Variants in AMBRA1 observed in about 807,000 individuals in gnomAD.
AMBRA1 encodes the protein autophagy and beclin 1 regulator 1, also known as activating molecule in BECN1-regulated autophagy protein 1.
In AMBRA1, 47 loss-of-function variants were observed where a neutral mutation model predicts 125.4. The observed-to-expected ratio is 0.37, with a 90% confidence interval of 0.30 to 0.48. The LOEUF (loss-of-function observed/expected upper bound fraction) is 0.48. AMBRA1 is among the 20% of genes least tolerant of loss of function. The pLI, the probability that AMBRA1 is intolerant of heterozygous loss-of-function variation, is 0.99. For synonymous variants in AMBRA1, 626 were observed against 655.5 expected (o/e 0.95, Z 0.69); for missense variants, 1,331 against 1,693.4 (o/e 0.79, Z 3.76).
At chr11:46,571,880 G>C (rs1289497710) in intron 1 of AMBRA1, among the ~76,000 whole-genome samples, 1 of 151,778 alleles carries the variant, frequency 6.6e-6, no homozygotes, top group African/African-American at 2.4e-5. Flanking sequence ...AGTAGAGACA[G>C]GGTTTCACCA....
At chr11:46,478,648 C>CTTTTTT (rs11449187) in intron 11 of AMBRA1, among the ~76,000 whole-genome samples, 8 of 82,154 alleles carry the variant, frequency 9.7e-5, no homozygotes, top group Non-Finnish European at 1.3e-4. Context: ...TCTTTTTTCT[C>CTTTTTT]TTTTTTTTTT....
intron 14 of AMBRA1, among the ~76,000 whole-genome samples, chr11:46,426,072 A>G (rs79048336): frequency 6.9e-6 from 1 of 145,624 alleles, no homozygotes. Flanking sequence ...TCTCAAAATA[A>G]AAAAAAAAAA....
intron 11 of AMBRA1, among the ~76,000 whole-genome samples, chr11:46,458,471 A>C (rs2136823165): frequency 6.6e-6 from 1 of 152,304 alleles, no homozygotes; most frequent in South Asian, 2.1e-4. Flanking sequence ...TCCGAATTCA[A>C]GTGTTTTTGC....
intron 13 of AMBRA1, among the ~76,000 whole-genome samples, chr11:46,434,188 A>G (rs929253646): frequency 1.3e-5 from 2 of 152,032 alleles, no homozygotes; most frequent in Admixed American, 1.3e-4. Flanking sequence ...ATTTTAAAAA[A>G]TTGTTAACAT....
chr11:46,405,406 C>T (rs1309419164), intron 17 of AMBRA1, among the ~76,000 whole-genome samples: 3 of 152,160 alleles, frequency 2.0e-5, no homozygotes, highest in Non-Finnish European at 4.4e-5. Context: ...ATGGTAAAAG[C>T]TCAGTGAAAT....
rs572142483 is a variant in AMBRA1, at chr11:46,429,701, T to C, written c.2976+3773A>G. ...CACTTGGTTACAACCAAAGTTATTA[T>C]ACTGTGCAAGTTGCCACTATTTTAG... On this transcript the variant is annotated intron_variant, in intron 14 of 17. Coordinates refer to ENST00000683756, the MANE Select transcript of AMBRA1 (RefSeq NM_001387011.1). Among the ~76,000 whole-genome samples the C allele has an allele frequency of 2.0e-5, 3 of 152,312 alleles. No individual in the cohort carries two copies. In the South Asian group the frequency reaches 6.2e-4, roughly 32 times the overall value.
At chr11:46,483,084 A>G (rs920978474) in intron 11 of AMBRA1, among the ~76,000 whole-genome samples, 8 of 151,900 alleles carry the variant, frequency 5.3e-5, no homozygotes, top group African/African-American at 1.9e-4. Context: ...ATGTAGCCCC[A>G]CAGCTCAAGA....
In AMBRA1 at chr11:46,512,786, T is replaced by G. The variant is rs1398223972; in HGVS notation, c.2100A>C (p.Ser700=). Residue 700 remains serine (S), a synonymous_variant, in exon 8 of 18, where the codon TCA becomes TCC. Coordinates refer to ENST00000683756, the MANE Select transcript of AMBRA1 (RefSeq NM_001387011.1). ...ATCCTGCTCCATCATAACGGGATAA[T>G]GAAATGAGGGAAGATTCCAGCAGCC... The part of the protein sequence containing the change: ...RRRLLESSLI[S]LSRYDGAGSR... The G allele has an allele frequency of 2.5e-6, 4 of 1,613,176 alleles. No homozygotes were observed. Among genetic ancestry groups the G allele is most frequent in the Middle Eastern group, 1.6e-4 (1 of 6,062 alleles).
Position 46,408,604 on chromosome 11 carries a change from G to A in AMBRA1, c.3312C>T (p.Thr1104=). The change falls in exon 17 of 18, where the codon ACC becomes ACT. Residue 1104 remains threonine, a synonymous_variant. Coordinates refer to ENST00000683756, the MANE Select transcript of AMBRA1 (RefSeq NM_001387011.1). ...TCTGCAGCTGAAGGGCCAGAGTCTG[G>A]GTGCCCTGAGATGTCACTGAGGTGG... The part of the protein sequence containing the change: ...NPATSVTSQG[T]QTLALQLQNA... 6.2e-7 allele frequency: 1 copy of A among 1,610,356 alleles called. No homozygotes were observed. The highest frequency in any genetic ancestry group is 1.3e-5 in the African/African-American group (1 of 74,946).
intron 10 of AMBRA1, 96 bp from the exon 11 acceptor site, chr11:46,493,804 T>C (rs998444175): frequency 3.3e-5 from 29 of 889,160 alleles, no homozygotes; most frequent in Non-Finnish European, 4.6e-5. Flanking sequence ...AGGGACCCAC[T>C]GAATCCACAG....
intron 7 of AMBRA1, among the ~76,000 whole-genome samples, chr11:46,513,925 G>A (rs958930357): frequency 1.3e-5 from 2 of 149,544 alleles, no homozygotes; most frequent in Admixed American, 6.7e-5. Flanking sequence ...GTCAGAACAC[G>A]TATAATAAAC....
intron 7 of AMBRA1, among the ~76,000 whole-genome samples, chr11:46,526,342 C>A (rs778942264): frequency 6.6e-6 from 1 of 152,016 alleles, no homozygotes; most frequent in Non-Finnish European, 1.5e-5. Flanking sequence ...CCCTCCCACA[C>A]TGAATCTAGA....
intron 11 of AMBRA1, among the ~76,000 whole-genome samples, chr11:46,478,070 T>C (rs1429733802): frequency 6.6e-6 from 1 of 152,116 alleles, no homozygotes; most frequent in African/African-American, 2.4e-5. Flanking sequence ...TTTGTCTCTA[T>C]GTGACCTGAG....
intron 11 of AMBRA1, among the ~76,000 whole-genome samples, chr11:46,464,148 A>G (rs958915044): frequency 2.0e-5 from 3 of 152,176 alleles, no homozygotes; most frequent in Non-Finnish European, 4.4e-5. Context: ...AATGGGATAA[A>G]CTCCAAGAAG....
At chr11:46,513,245 C>G (rs575547996) in intron 7 of AMBRA1, among the ~76,000 whole-genome samples, 1 of 150,652 alleles carries the variant, frequency 6.6e-6, no homozygotes, top group Admixed American at 6.6e-5. Context: ...TCTATCCATT[C>G]TGCTCTGCCT....
At chr11:46,447,582 G>A (rs767826618) in intron 11 of AMBRA1, among the ~76,000 whole-genome samples, 29 of 152,018 alleles carry the variant, frequency 1.9e-4, no homozygotes, top group Non-Finnish European at 3.8e-4. Flanking sequence ...GTGTGGTGGC[G>A]TGTACCTGTA....
At chr11:46,415,128 G>A (rs148954136) in intron 15 of AMBRA1, among the ~76,000 whole-genome samples, 13 of 152,320 alleles carry the variant, frequency 8.5e-5, no homozygotes, top group Admixed American at 3.9e-4. Flanking sequence ...GTGCCAGGGA[G>A]CTGTATCACC....
At chr11:46,414,223 G>A (rs1424935044) in intron 15 of AMBRA1, among the ~76,000 whole-genome samples, 1 of 152,186 alleles carries the variant, frequency 6.6e-6, no homozygotes, top group Non-Finnish European at 1.5e-5. Flanking sequence ...GACGGGAGAG[G>A]ATCAGACCAA....
chr11:46,417,946 G>C lies in AMBRA1; in HGVS notation c.3083C>G (p.Thr1028Ser). 1 of 1,610,820 alleles carries C rather than the reference G, an allele frequency of 6.2e-7. No individual in the cohort carries two copies. The highest frequency in any genetic ancestry group is 8.5e-7 in the Non-Finnish European group (1 of 1,177,670). Residue 1028 changes from threonine to serine, a missense_variant, in exon 15 of 18, where the codon ACT becomes AGT. By Grantham distance (58) the Thr-to-Ser change is moderately conservative. Transcript: ENST00000683756. ...GCAGATCACCAGGTCTCCTTTGTTA[G>C]TACCATAGGCCAAGCCAAGCCCTGG... ...PEPGLGLAYG[T>S]NKGDLVICRP...
Sources: allele counts gnomAD v4.1 joint callset (sites outside exome capture counted in the v4.1 genomes callset), GRCh38; gene constraint gnomAD v4.1.1; transcripts MANE v1.5; gene names NCBI Gene and HGNC (gene_info 2026-07-23, HGNC 2026-07-21).